Variants in WFS1 observed in about 807,000 individuals in gnomAD.
WFS1 encodes the protein wolframin.
A neutral mutation model predicts 68.5 loss-of-function variants in WFS1; 90 were observed. The observed-to-expected ratio is 1.31, with a 90% confidence interval of 1.11 to 1.56. WFS1 has a LOEUF of 1.56. Ranked by LOEUF, WFS1 falls within the 40% of genes most tolerant of loss-of-function variation. WFS1 has a pLI of 0.00. For missense variants in WFS1, 1,767 were observed against 1,232.6 expected (o/e 1.43, Z -6.49); for synonymous variants, 860 against 540.7 (o/e 1.59, Z -8.19).
intron 2 of WFS1, among the ~76,000 whole-genome samples, chr4:6,285,407 G>T (rs1044194181): frequency 6.6e-6 from 1 of 151,870 alleles, no homozygotes; most frequent in Non-Finnish European, 1.5e-5. Context: ...CATCCAGGGA[G>T]GGGGGCTTCC....
intron 6 of WFS1, among the ~76,000 whole-genome samples, chr4:6,292,688 G>A (rs907504519): frequency 6.6e-6 from 1 of 152,292 alleles, no homozygotes; most frequent in South Asian, 2.1e-4. Flanking sequence ...CAGGAGGCTT[G>A]GGGGCTCAGT....
At chr4:6,290,902 G>A (rs758175818) in intron 4 of WFS1, among the ~76,000 whole-genome samples, 1 of 152,154 alleles carries the variant, frequency 6.6e-6, no homozygotes, top group Non-Finnish European at 1.5e-5. Context: ...CTGTGCCTCC[G>A]GGTCTGCACC....
At chr4:6,291,845 G>A in intron 5 of WFS1, 72 bp from the exon 6 acceptor site, 2 of 1,507,330 alleles carry the variant, frequency 1.3e-6, no homozygotes, top group Non-Finnish European at 1.8e-6. Context: ...CAGTGCGCCA[G>A]TTTCTGGTGG....
chr4:6,298,844 T>C lies in WFS1; in HGVS notation c.862-1813T>C, dbSNP rs546680947. On this transcript the variant is annotated intron_variant, in intron 7 of 7. Transcript: ENST00000226760. ...CACCTGGGATCCCTCCTTGGCCTTC[T>C]GGTGGGCCTGGTGGAGAGAACCTGC... is the stretch of plus-strand genomic sequence containing the variant. Among the ~76,000 whole-genome samples the C allele has an allele frequency of 2.0e-4, 31 of 152,316 alleles. No individual in the cohort carries two copies. The East Asian group carries it at 6.0e-3, about 29-fold the overall frequency.
At chr4:6,298,454 A>G (rs1730707326) in intron 7 of WFS1, among the ~76,000 whole-genome samples, 2 of 151,018 alleles carry the variant, frequency 1.3e-5, no homozygotes, top group South Asian at 4.1e-4. Flanking sequence ...AGAGAGAGCT[A>G]GGGGAGCTGT....
chr4:6,294,934 C>A, intron 6 of WFS1, 107 bp from the exon 7 acceptor site: 1 of 1,562,104 alleles, frequency 6.4e-7, no homozygotes, highest in Non-Finnish European at 8.7e-7. Context: ...CACTCAGCTC[C>A]TTTCTTAGCT....
intron 2 of WFS1, among the ~76,000 whole-genome samples, chr4:6,279,891 AC>A (rs1730106630): frequency 6.6e-6 from 1 of 152,016 alleles, no homozygotes; most frequent in Non-Finnish European, 1.5e-5. Context: ...TGAGGAACTG[AC>A]CCCCTTTTCA....
intron 7 of WFS1, among the ~76,000 whole-genome samples, chr4:6,296,980 C>A (rs1334425903): frequency 6.6e-6 from 1 of 152,190 alleles, no homozygotes; most frequent in Admixed American, 6.5e-5. Flanking sequence ...TGTGCCACCA[C>A]ACCCAGCTGA....
intron 1 of WFS1, among the ~76,000 whole-genome samples, chr4:6,275,649 T>G: frequency 6.6e-6 from 1 of 151,628 alleles, no homozygotes; most frequent in African/African-American, 2.4e-5. Context: ...TGGGGGATGT[T>G]TTACACTAAG....
Position 6,302,366 on chromosome 4 carries a change from C to T in WFS1, c.2571C>T (p.Thr857=), listed in dbSNP as rs915821827. 1.9e-6 allele frequency: 3 copies of T among 1,613,102 alleles called. No homozygotes were observed. The highest frequency in any genetic ancestry group is 2.5e-6 in the Non-Finnish European group (3 of 1,180,010). The change falls in exon 8 of 8, where the codon ACC becomes ACT. Residue 857 remains threonine (T), a synonymous_variant. Transcript: ENST00000226760. Reference sequence around the variant, plus strand: ...ACTGCATGGCCCAGCTCTCACCCACCAGGCGGCACGTGAAGATCGAGCACG... The same window carrying T: ...ACTGCATGGCCCAGCTCTCACCCACTAGGCGGCACGTGAAGATCGAGCACG... The part of the protein sequence containing the change: ...CLNCMAQLSP[T]RRHVKIEHDW...
chr4:6,274,238 G>A (rs1224954005), intron 1 of WFS1, among the ~76,000 whole-genome samples: 2 of 152,028 alleles, frequency 1.3e-5, no homozygotes, highest in East Asian at 1.9e-4. Flanking sequence ...TAATAGAGAC[G>A]GGGTTTCACT....
intron 7 of WFS1, among the ~76,000 whole-genome samples, chr4:6,300,045 C>T (rs552719818): frequency 6.6e-6 from 1 of 152,156 alleles, no homozygotes; most frequent in Admixed American, 6.5e-5. Context: ...GGGCAGCTCA[C>T]CCGGCAGCCC....
intron 2 of WFS1, among the ~76,000 whole-genome samples, chr4:6,281,625 G>A (rs914699700): frequency 2.0e-5 from 3 of 152,088 alleles, no homozygotes; most frequent in African/African-American, 7.2e-5. Flanking sequence ...GGTGGTTCCC[G>A]GCGGGGTCCG....
At chr4:6,277,399 C>A in intron 1 of WFS1, 52 bp from the exon 2 acceptor site, 1 of 1,515,846 alleles carries the variant, frequency 6.6e-7, no homozygotes, top group Admixed American at 2.0e-5. Flanking sequence ...CACTAAGTGC[C>A]AGAGCGGGCT....
chr4:6,294,959 C>T (rs553135600), intron 6 of WFS1, 82 bp from the exon 7 acceptor site: 77 of 1,607,112 alleles, frequency 4.8e-5, no homozygotes, highest in East Asian at 2.5e-4. Context: ...CCCACGCCAC[C>T]GTCCCCAGCC....
rs147838635 is a variant in WFS1 at position 6,301,596 on chromosome 4, G to A, written c.1801G>A (p.Val601Met). 51 of 1,614,050 alleles carry A rather than the reference G, an allele frequency of 3.2e-5. No homozygotes were observed. The highest frequency in any genetic ancestry group is 6.6e-5 in the South Asian group (6 of 91,090). Residue 601 changes from valine (V) to methionine (M), a missense_variant, in exon 8 of 8, where the codon GTG becomes ATG. By Grantham distance (21) the Val-to-Met change is conservative. Coordinates refer to ENST00000226760, the MANE Select transcript of WFS1 (RefSeq NM_006005.3). ...SLELTKIAVT[V>M]AVCSVPLLLR... ...GGAGCTCACCAAGATCGCAGTCACC[G>A]TGGCGGTCTGTAGTGTGCCCCTGCT...
At chr4:6,281,702 C>T (rs925528409) in intron 2 of WFS1, among the ~76,000 whole-genome samples, 2 of 152,084 alleles carry the variant, frequency 1.3e-5, no homozygotes, top group Admixed American at 6.5e-5. Context: ...TGTGGGAGTG[C>T]GCTGAGCCCC....
chr4:6,295,220 G>A (rs1179954663), intron 7 of WFS1, 31 bp downstream of exon 7: 1 of 1,609,640 alleles, frequency 6.2e-7, no homozygotes, highest in Non-Finnish European at 8.5e-7. Flanking sequence ...TCAGGCCGGA[G>A]CCTGCCTCCC....
In WFS1 at chr4:6,302,013, C is replaced by T. The variant is rs769107352; in HGVS notation, c.2218C>T (p.Pro740Ser). ...WMRCLYGEAYPACSPGNTSTA... is the reference protein window; with the variant it reads ...WMRCLYGEAYSACSPGNTSTA... ...GCGCTGCCTCTACGGCGAGGCCTAC[C>T]CTGCCTGCAGCCCTGGCAACACCTC... Residue 740 changes from proline (P) to serine (S), a missense_variant, in exon 8 of 8, where the codon CCT becomes TCT. By Grantham distance (74) the Pro-to-Ser change is moderately conservative (BLOSUM62 -1). Transcript: ENST00000226760. The T allele has an allele frequency of 1.3e-5, 21 of 1,612,648 alleles. No individual in the cohort carries two copies. The South Asian group carries it at 2.2e-4, about 17-fold the overall frequency.
Sources: allele counts gnomAD v4.1 joint callset (sites outside exome capture counted in the v4.1 genomes callset), GRCh38; gene constraint gnomAD v4.1.1; transcripts MANE v1.5; gene names NCBI Gene and HGNC (gene_info 2026-07-23, HGNC 2026-07-21).